BUB3: variants seen among roughly 807,000 people sequenced by gnomAD.
The protein encoded by BUB3 is BUB3 mitotic checkpoint protein, also known as mitotic checkpoint protein BUB3.
Under a neutral mutation model 39.9 loss-of-function variants are expected in BUB3, and 22 were observed. The ratio of observed to expected loss-of-function variants is 0.55; its 90% confidence interval spans 0.39 to 0.79. The LOEUF (loss-of-function observed/expected upper bound fraction) is 0.79, where lower values mean the gene tolerates loss of function less well. Among genes scored for constraint, BUB3 ranks in the 30% least tolerant of loss-of-function variants. The pLI, the probability that BUB3 is intolerant of heterozygous loss-of-function variation, is 0.00. For missense variants in BUB3, 303 were observed against 415.4 expected, an observed-to-expected ratio of 0.73 and a Z score of 2.35; for synonymous variants, 168 against 155.1, an observed-to-expected ratio of 1.08 and a Z score of -0.62.
intron 4 of BUB3, among the ~76,000 whole-genome samples, chr10:123,158,113 T>G (rs1844373307): frequency 6.6e-6 from 1 of 152,234 alleles, no homozygotes. Flanking sequence ...TTTGCTTCCA[T>G]GTATTGTTAA....
Position 123,157,820 on chromosome 10 carries a change from A to G in BUB3, c.357A>G (p.Thr119=). The G allele has an allele frequency of 6.2e-7, 1 of 1,614,150 alleles. No individual in the cohort carries two copies. The highest frequency in any genetic ancestry group is 8.5e-7 in the Non-Finnish European group (1 of 1,180,008). Residue 119 remains threonine, a synonymous_variant, in exon 4 of 8, where the codon ACA becomes ACG. Coordinates refer to ENST00000368865, the MANE Select transcript of BUB3 (RefSeq NM_004725.4). ...TGGTCACTGGAAGTTGGGATCAGAC[A>G]GTTAAACTGTGGGATCCCAGAACTC... ...NVMVTGSWDQ[T]VKLWDPRTPC...
In BUB3 at chr10:123,169,814, C is replaced by G. The variant is rs547691781; in HGVS notation, c.*5979C>G. 2.0e-5 allele frequency: 3 copies of G among 152,272 alleles called. No individual in the cohort carries two copies. The highest frequency in any genetic ancestry group is 6.5e-5 in the Admixed American group (1 of 15,296). 9.4% of individuals were successfully genotyped at this position (152,272 alleles called of 1,614,324 possible). A position where few individuals can be genotyped will look rare whatever the true frequency, so the allele number is the denominator to read the frequency against. ...CAGCCTTTGAACCTGGCGCTGAATC[C>G]TGACTTTACTGCTTATTCAGGGGGC... On this transcript the variant is annotated 3_prime_UTR_variant, in exon 8 of 8. Coordinates refer to ENST00000368865, the MANE Select transcript of BUB3 (RefSeq NM_004725.4).
chr10:123,157,446 G>A (rs545122157), intron 3 of BUB3, among the ~76,000 whole-genome samples: 4 of 152,328 alleles, frequency 2.6e-5, no homozygotes, highest in Non-Finnish European at 4.4e-5. Flanking sequence ...GAAGATAACA[G>A]ACATGCCACT....
intron 5 of BUB3, 76 bp downstream of exon 5, chr10:123,160,641 G>GC (rs1201644582): frequency 1.6e-6 from 2 of 1,259,704 alleles, no homozygotes; most frequent in African/African-American, 1.5e-5. Context: ...TTGGCCACTA[G>GC]CCCCTAAAGC....
chr10:123,163,944 A>G lies in BUB3; in HGVS notation c.*109A>G, dbSNP rs1844455526. The G allele has an allele frequency of 1.5e-6, 2 of 1,351,252 alleles. No individual in the cohort carries two copies. Among genetic ancestry groups the G allele is most frequent in the Middle Eastern group, 2.6e-4 (1 of 3,836 alleles). The allele number at this position is 1,351,252 out of a possible 1,614,324, so 83.7% of individuals were successfully genotyped here. ...AACCAGGGAAAATATTAATTTTAATATTATAACAACCTGAAAATAATGGAA... is the reference window on the plus strand; with the variant it reads ...AACCAGGGAAAATATTAATTTTAATGTTATAACAACCTGAAAATAATGGAA... On this transcript the variant is annotated 3_prime_UTR_variant, in exon 8 of 8. Transcript: ENST00000368865.
At position 123,162,839 on chromosome 10, in the gene BUB3, T is replaced by G; in HGVS notation, c.971+11T>G. On this transcript the variant is annotated intron_variant, in intron 7 of 7. Coordinates refer to ENST00000368865, the MANE Select transcript of BUB3 (RefSeq NM_004725.4). ...AGAAACAAAACCCAAGTGAGTATGC[T>G]TCACCTGTATTTGAGCCTTTTCTTG... is the stretch of plus-strand genomic sequence containing the variant. 1.9e-6 allele frequency: 3 copies of G among 1,604,480 alleles called. No individual in the cohort carries two copies. Among genetic ancestry groups the G allele is most frequent in the Non-Finnish European group, 2.6e-6 (3 of 1,173,568 alleles).
In BUB3 at chr10:123,162,271, A is replaced by T. The variant is rs758944167; in HGVS notation, c.612A>T (p.Ala204=). 6.2e-7 allele frequency: 1 copy of T among 1,614,022 alleles called. No individual in the cohort carries two copies. The highest frequency in any genetic ancestry group is 1.3e-5 in the African/African-American group (1 of 74,926). The change falls in exon 6 of 8, where the codon GCA becomes GCT. Residue 204 remains alanine (A), a synonymous_variant. Coordinates refer to ENST00000368865, the MANE Select transcript of BUB3 (RefSeq NM_004725.4). The part of the protein sequence containing the change: ...YVLSSIEGRV[A]VEYLDPSPEV... Reference sequence around the variant, plus strand: ...TAAGCTCTATTGAAGGCCGAGTGGCAGTTGAGTATTTGGACCCAAGCCCTG... The same window carrying T: ...TAAGCTCTATTGAAGGCCGAGTGGCTGTTGAGTATTTGGACCCAAGCCCTG...
At chr10:123,161,475 C>T (rs1844423356) in intron 5 of BUB3, among the ~76,000 whole-genome samples, 1 of 151,984 alleles carries the variant, frequency 6.6e-6, no homozygotes, top group Admixed American at 6.6e-5. Context: ...ACATTGTGAA[C>T]ATTATTTTAA....
chr10:123,160,822 G>C (rs1017242660), intron 5 of BUB3, among the ~76,000 whole-genome samples: 2 of 152,050 alleles, frequency 1.3e-5, no homozygotes, highest in Non-Finnish European at 2.9e-5. Context: ...AATAGAGGAG[G>C]TTTTCTGACC....
rs933079927 is a variant in BUB3 at position 123,166,776 on chromosome 10, G to C, written c.*2941G>C. ...GTTGGGAATATAAATAAGTGGATGG[G>C]ATGGGAAGTGACAGCAATATCTGGT... On this transcript the variant is annotated 3_prime_UTR_variant, in exon 8 of 8. Coordinates refer to ENST00000368865, the MANE Select transcript of BUB3 (RefSeq NM_004725.4). 2 of 152,226 alleles carry C rather than the reference G, an allele frequency of 1.3e-5. No individual in the cohort carries two copies. The highest frequency in any genetic ancestry group is 2.9e-5 in the Non-Finnish European group (2 of 68,066). The allele number at this position is 152,226 out of a possible 1,614,324, so 9.4% of individuals were successfully genotyped here.
chr10:123,154,788 G>GGCGCAA (rs1844324510), intron 1 of BUB3, 130 bp from the exon 2 acceptor site: 1 of 1,006,132 alleles, frequency 9.9e-7, no homozygotes, highest in African/African-American at 1.7e-5. Context: ...GCTCGGCGCA[G>GGCGCAA]GCGCAAGCGC....
Position 123,163,888 on chromosome 10 carries a change from T to A in BUB3, c.*53T>A. Reference sequence around the variant, plus strand: ...TTGATGATAATAAAACAATTCGTACTCCCCAATGGTGGATTTATTACTATT... The same window carrying A: ...TTGATGATAATAAAACAATTCGTACACCCCAATGGTGGATTTATTACTATT... On this transcript the variant is annotated 3_prime_UTR_variant, in exon 8 of 8. Coordinates refer to ENST00000368865, the MANE Select transcript of BUB3 (RefSeq NM_004725.4). 1.3e-6 allele frequency: 2 copies of A among 1,545,724 alleles called. No individual in the cohort carries two copies. Among genetic ancestry groups the A allele is most frequent in the South Asian group, 1.2e-5 (1 of 84,036 alleles).
intron 5 of BUB3, among the ~76,000 whole-genome samples, chr10:123,161,201 G>T (rs1355530414): frequency 1.3e-5 from 2 of 152,154 alleles, no homozygotes; most frequent in Admixed American, 6.5e-5. Context: ...GGAGATGGTG[G>T]TGTGGTCAGG....
rs543866171 is a variant in BUB3, at chr10:123,155,147, C to G, written c.195+35C>G. 3.1e-6 allele frequency: 5 copies of G among 1,601,920 alleles called. No homozygotes were observed. In the African/African-American group the frequency reaches 5.4e-5, roughly 17 times the overall value. On this transcript the variant is annotated intron_variant, in intron 2 of 7. Transcript: ENST00000368865. ...CTCCCGCCCTGCTCCTGCCCTCTTA[C>G]TGTGTTAACGATTCTCCACGTGAGG...
chr10:123,164,058 C>A lies in BUB3; in HGVS notation c.*223C>A. ...GTTTGCTGCATTAAAGGTATTTGGG[C>A]AAACAAAATTGGAGGGCAAGTGACT... On this transcript the variant is annotated 3_prime_UTR_variant, in exon 8 of 8. Transcript: ENST00000368865. The A allele has an allele frequency of 1.6e-6, 2 of 1,216,754 alleles. No homozygotes were observed. The highest frequency in any genetic ancestry group is 2.0e-6 in the Non-Finnish European group (2 of 976,386). 75.4% of individuals were successfully genotyped at this position (1,216,754 alleles called of 1,614,324 possible).
At chr10:123,155,637 C>T (rs777190666) in intron 2 of BUB3, 21 bp from the exon 3 acceptor site, 4 of 1,608,684 alleles carry the variant, frequency 2.5e-6, no homozygotes, top group Admixed American at 3.3e-5. Flanking sequence ...AGTTTTTAAA[C>T]GGTTCAAAAC....
chr10:123,167,815 A>C lies in BUB3; in HGVS notation c.*3980A>C, dbSNP rs555109950. The C allele has an allele frequency of 8.5e-5, 13 of 152,320 alleles. No homozygotes were observed. Among genetic ancestry groups the C allele is most frequent in the African/African-American group, 3.1e-4 (13 of 41,570 alleles). 9.4% of individuals were successfully genotyped at this position (152,320 alleles called of 1,614,324 possible). On this transcript the variant is annotated 3_prime_UTR_variant, in exon 8 of 8. Coordinates refer to ENST00000368865, the MANE Select transcript of BUB3 (RefSeq NM_004725.4). ...ATTTGATGAAAATTGTATATATTTA[A>C]GGTATATAATGTTTTGATACATGTA...
At chr10:123,158,850 T>C (rs1844383954) in intron 4 of BUB3, among the ~76,000 whole-genome samples, 1 of 152,200 alleles carries the variant, frequency 6.6e-6, no homozygotes. Flanking sequence ...ATTATGTCAC[T>C]TTTTTTAATA....
At chr10:123,155,367 A>G (rs1321820664) in intron 2 of BUB3, among the ~76,000 whole-genome samples, 4 of 152,156 alleles carry the variant, frequency 2.6e-5, no homozygotes, top group Non-Finnish European at 5.9e-5. Context: ...TACGATCATT[A>G]TATTTGCAAC....
Sources: gnomAD v4.1 joint callset for allele counts (sites outside exome capture counted in the v4.1 genomes callset) on GRCh38, gnomAD v4.1.1 for gene constraint, MANE v1.5 for transcripts, NCBI Gene and HGNC (gene_info 2026-07-23, HGNC 2026-07-21) for gene names.